The following FMN1 variants were observed in gnomAD, a reference collection of about 807,000 sequenced individuals.
The protein encoded by FMN1 is formin 1.
Under a neutral mutation model 132.4 loss-of-function variants are expected in FMN1, and 110 were observed. The ratio of observed to expected loss-of-function variants is 0.83; its 90% CI spans 0.71 to 0.97. FMN1 has a LOEUF of 0.97. Among genes scored for constraint, FMN1 ranks in the 50% least tolerant of loss-of-function variants. The pLI is 0.00. For synonymous variants in FMN1, 722 were observed against 651.7 expected (o/e 1.11, Z -1.64); for missense variants, 1,792 against 1,705.3 (o/e 1.05, Z -0.90).
chr15:32,908,458 T>C (rs370048311), intron 12 of FMN1, 32 bp downstream of exon 12: 141 of 1,430,958 alleles, frequency 9.9e-5, no homozygotes, highest in Non-Finnish European at 1.4e-4. Flanking sequence ...GTTCTCCTTT[T>C]GGCCTAACAG....
chr15:32,799,012 A>C, intron 18 of FMN1, 59 bp from the exon 19 acceptor site: 27 of 1,444,882 alleles, frequency 1.9e-5, no homozygotes, highest in East Asian at 5.2e-5. Context: ...CCAACACTAA[A>C]ATCCATTAGA....
chr15:33,085,723 A>C (rs181471283), intron 5 of FMN1, among the ~76,000 whole-genome samples: 18 of 152,196 alleles, frequency 1.2e-4, no homozygotes, highest in Admixed American at 1.2e-3. Flanking sequence ...ATCATAAGGA[A>C]ATAGTCCTAA....
chr15:33,182,736 A>G (rs777674322), intron 2 of FMN1, among the ~76,000 whole-genome samples: 3 of 152,146 alleles, frequency 2.0e-5, no homozygotes, highest in Admixed American at 6.6e-5. Context: ...ATGAATTCCT[A>G]TGTGTTCAAC....
At chr15:32,781,575 G>A (rs1014122604) in intron 19 of FMN1, among the ~76,000 whole-genome samples, 1 of 152,188 alleles carries the variant, frequency 6.6e-6, no homozygotes, top group African/African-American at 2.4e-5. Context: ...CTCATAGGCT[G>A]TAGTCTGCCA....
intron 4 of FMN1, among the ~76,000 whole-genome samples, chr15:33,115,888 T>G (rs1355269098): frequency 6.6e-6 from 1 of 152,178 alleles, no homozygotes; most frequent in South Asian, 2.1e-4. Flanking sequence ...CCACCACCTT[T>G]ACTCCAACCA....
At chr15:33,166,399 C>T (rs150556645) in intron 3 of FMN1, among the ~76,000 whole-genome samples, 1,836 of 151,374 alleles carry the variant, frequency 0.012, 16 homozygotes, top group Non-Finnish European at 0.013. Context: ...AAATGTATTG[C>T]GGGATAGGAT....
intron 16 of FMN1, 80 bp downstream of exon 16, chr15:32,888,092 C>A: frequency 7.9e-7 from 1 of 1,268,592 alleles, no homozygotes; most frequent in Non-Finnish European, 1.1e-6. Context: ...ACTCTATGAA[C>A]CAGACCTAAA....
rs765078008 is a variant in FMN1 at position 32,921,251 on chromosome 15, C to T, written c.3226+4923G>A. 7.2e-5 allele frequency among the ~76,000 whole-genome samples: 11 copies of T among 152,122 alleles called. No homozygotes were observed. In the East Asian group the frequency reaches 9.6e-4, roughly 13 times the overall value. On this transcript the variant is annotated intron_variant, in intron 10 of 20. Transcript: ENST00000616417. Reference sequence around the variant, plus strand: ...CTACATAGAGAGTGGGGTGGAAAAGCGTTTCAAACAGAGGGAGCGTGCAGA... The same window carrying T: ...CTACATAGAGAGTGGGGTGGAAAAGTGTTTCAAACAGAGGGAGCGTGCAGA...
intron 3 of FMN1, among the ~76,000 whole-genome samples, chr15:33,170,951 A>G (rs1241457820): frequency 6.6e-6 from 1 of 152,234 alleles, no homozygotes; most frequent in Non-Finnish European, 1.5e-5. Context: ...CCTCATGTTT[A>G]CTGCATAGCA....
At chr15:33,035,521 A>C (rs1566850954) in intron 6 of FMN1, among the ~76,000 whole-genome samples, 3 of 151,998 alleles carry the variant, frequency 2.0e-5, no homozygotes, top group South Asian at 2.1e-4. Context: ...CAGCACTCCC[A>C]ATCTGTACTC....
At chr15:33,046,186 A>C (rs191527774) in intron 6 of FMN1, among the ~76,000 whole-genome samples, 1 of 152,324 alleles carries the variant, frequency 6.6e-6, no homozygotes, top group East Asian at 1.9e-4. Context: ...ATGTCAAAAA[A>C]AGAAAATTGG....
intron 4 of FMN1, among the ~76,000 whole-genome samples, chr15:33,121,214 G>C (rs1962522860): frequency 6.6e-6 from 1 of 152,130 alleles, no homozygotes; most frequent in Admixed American, 6.6e-5. Context: ...ATAGAGCAGT[G>C]GGTCCTGTGT....
intron 6 of FMN1, among the ~76,000 whole-genome samples, chr15:33,027,153 A>T (rs2035715846): frequency 6.6e-6 from 1 of 152,162 alleles, no homozygotes; most frequent in African/African-American, 2.4e-5. Flanking sequence ...GTAAGCTCAC[A>T]TCAAGAGTAC....
In FMN1 at chr15:33,154,663, T is replaced by C; in HGVS notation, c.252A>G (p.Leu84=). The C allele has an allele frequency of 6.5e-7, 1 of 1,536,142 alleles. No homozygotes were observed. The highest frequency in any genetic ancestry group is 8.7e-7 in the Non-Finnish European group (1 of 1,146,920). The change falls in exon 4 of 21, where the codon CTA becomes CTG. Residue 84 remains leucine (L), a synonymous_variant. Transcript: ENST00000616417. ...CTGTTGTGAGTTTGTACAGCTCAGT[T>C]AGAATGTCTTTCGTGGGAGTCTGCT... The part of the protein sequence containing the change: ...FFKQTPTKDI[L]TELYKLTTER...
intron 5 of FMN1, among the ~76,000 whole-genome samples, chr15:33,074,061 C>T (rs969023771): frequency 6.6e-6 from 1 of 152,096 alleles, no homozygotes; most frequent in Non-Finnish European, 1.5e-5. Context: ...AAGATGAAGG[C>T]ATTTGAGGTC....
chr15:33,131,572 T>C (rs1284241181), intron 4 of FMN1, among the ~76,000 whole-genome samples: 1 of 152,152 alleles, frequency 6.6e-6, no homozygotes, highest in Admixed American at 6.5e-5. Context: ...CGTAATAATA[T>C]GCAACACCAA....
intron 9 of FMN1, among the ~76,000 whole-genome samples, chr15:32,957,325 T>TTTA (rs1555504537): frequency 1.8e-4 from 25 of 137,342 alleles, no homozygotes; most frequent in African/African-American, 6.3e-4. Context: ...TTTTTTTTTT[T>TTTA]ACAGGAACCA....
chr15:33,135,200 G>A lies in FMN1; in HGVS notation c.1867+17848C>T, dbSNP rs182468562. On this transcript the variant is annotated intron_variant, in intron 4 of 20. Coordinates refer to ENST00000616417, the MANE Select transcript of FMN1 (RefSeq NM_001277313.2). ...CACAAAATGTTTGACTTGCACTTTAGATGTTAAATATACAACTATTTGAGG... is the reference window on the plus strand; with the variant it reads ...CACAAAATGTTTGACTTGCACTTTAAATGTTAAATATACAACTATTTGAGG... 9.2e-5 allele frequency among the ~76,000 whole-genome samples: 14 copies of A among 152,226 alleles called. 3 individuals are homozygous for A. Among genetic ancestry groups the A allele is most frequent in the Admixed American group, 5.9e-4 (9 of 15,292 alleles).
intron 5 of FMN1, among the ~76,000 whole-genome samples, chr15:33,074,066 G>A (rs924431854): frequency 3.3e-5 from 5 of 152,226 alleles, no homozygotes; most frequent in Admixed American, 6.5e-5. Context: ...GAAGGCATTT[G>A]AGGTCAAGGG....
Sources: gnomAD v4.1 joint callset for allele counts (sites outside exome capture counted in the v4.1 genomes callset) on GRCh38, gnomAD v4.1.1 for gene constraint, MANE v1.5 for transcripts, NCBI Gene and HGNC (gene_info 2026-07-23, HGNC 2026-07-21) for gene names.